CYLC1: variants seen among roughly 807,000 people sequenced by gnomAD.
The protein encoded by CYLC1 is cylicin 1.
CYLC1 carries 2 observed loss-of-function variants against 31.6 expected under a neutral mutation model. The observed-to-expected ratio is 0.06, with a 90% CI of 0.03 to 0.20. The LOEUF (loss-of-function observed/expected upper bound fraction) is 0.20, where lower values mean the gene tolerates loss of function less well. Ranked by LOEUF, CYLC1 falls within the 10% of genes least tolerant of loss-of-function variation. The pLI is 1.00. For missense variants in CYLC1, 595 were observed against 424.1 expected (o/e 1.40, Z -3.54); for synonymous variants, 185 against 153.0 (o/e 1.21, Z -1.54).
chrX:83,885,706 C>T (rs1276099531), intron 4 of CYLC1, among the ~76,000 whole-genome samples: 4 of 107,883 alleles, frequency 3.7e-5, no homozygotes, highest in Non-Finnish European at 7.7e-5. Flanking sequence ...ACTCAATAAT[C>T]CCACTGCTAT....
At chrX:83,864,665 A>T in intron 1 of CYLC1, 4 of 314,876 alleles carry the variant, frequency 1.3e-5, no homozygotes, top group Non-Finnish European at 2.4e-5. Flanking sequence ...TCCCAGACCC[A>T]TTACTGGAGA....
In CYLC1 at chrX:83,879,544, T is replaced by C. The variant is rs1467686519; in HGVS notation, c.1923+4913T>C. ...TTGTGAAAACACACACAGAATTTTG[T>C]GTCAATACCATACATTGTGATTTGT... On this transcript the variant is annotated intron_variant, in intron 4 of 4. Transcript: ENST00000329312. 2.7e-5 allele frequency among the ~76,000 whole-genome samples: 3 copies of C among 112,164 alleles called. No individual in the cohort carries two copies. In the East Asian group the frequency reaches 8.4e-4, roughly 31 times the overall value.
intron 4 of CYLC1, among the ~76,000 whole-genome samples, chrX:83,874,995 G>A (rs903425486): frequency 9.0e-6 from 1 of 111,036 alleles, no homozygotes; most frequent in African/African-American, 3.3e-5. Context: ...AGATTTAAGC[G>A]AGATATAAAG....
At position 83,873,641 on chromosome X, in the gene CYLC1, G is replaced by A; in HGVS notation, c.933G>A (p.Lys311=). 1 of 1,196,245 alleles carries A rather than the reference G, an allele frequency of 8.4e-7. No homozygotes were observed. The highest frequency in any genetic ancestry group is 1.1e-6 in the Non-Finnish European group (1 of 889,578). The change falls in exon 4 of 5, where the codon AAG becomes AAA. Residue 311 remains lysine (K), a synonymous_variant. Transcript: ENST00000329312. ...EDSKDAKKDS[K]KVKKNVKKDD... is the part of the protein sequence containing the mutation. ...CAAAGGATGCTAAGAAAGATTCAAA[G>A]AAAGTTAAGAAAAATGTCAAGAAAG...
chrX:83,862,779 C>T (rs2031534432), intron 1 of CYLC1, among the ~76,000 whole-genome samples: 3 of 111,599 alleles, frequency 2.7e-5, no homozygotes, highest in Non-Finnish European at 5.6e-5. Context: ...CCTCCTCTGA[C>T]TCCAATCTGA....
rs955131622 is a variant in CYLC1, at chrX:83,869,516, A to T, written c.18-349A>T. Among the ~76,000 whole-genome samples the T allele has an allele frequency of 2.7e-4, 29 of 109,347 alleles. No individual in the cohort carries two copies. In the Admixed American group the frequency reaches 2.8e-3, roughly 10 times the overall value. 95.0% of individuals were successfully genotyped at this position (109,347 alleles called of 115,157 possible). On this transcript the variant is annotated intron_variant, in intron 1 of 4. Coordinates refer to ENST00000329312, the MANE Select transcript of CYLC1 (RefSeq NM_021118.3). Reference sequence around the variant, plus strand: ...AGTATGCTGAGGATAATAGCTTCCAACTCCATCCATAGCCCTGCAAAGGAC... The same window carrying T: ...AGTATGCTGAGGATAATAGCTTCCATCTCCATCCATAGCCCTGCAAAGGAC...
chrX:83,863,193 C>T (rs1453069236), intron 1 of CYLC1, among the ~76,000 whole-genome samples: 1 of 111,784 alleles, frequency 8.9e-6, no homozygotes, highest in African/African-American at 3.3e-5. Flanking sequence ...ACTTTCTCTT[C>T]TCCAGTTATT....
intron 4 of CYLC1, 102 bp from the exon 5 acceptor site, chrX:83,886,450 C>T: frequency 1.3e-6 from 1 of 748,010 alleles, no homozygotes; most frequent in South Asian, 2.6e-5. Context: ...TCAACTATGA[C>T]AGTCTGTGCT....
intron 4 of CYLC1, among the ~76,000 whole-genome samples, chrX:83,878,912 C>G (rs1434219015): frequency 9.5e-6 from 1 of 105,269 alleles, no homozygotes; most frequent in East Asian, 3.0e-4. Flanking sequence ...TTCTCCTCCA[C>G]TGGAGTCCTA....
At chrX:83,870,414 G>T (rs978368367) in intron 2 of CYLC1, among the ~76,000 whole-genome samples, 6 of 111,408 alleles carry the variant, frequency 5.4e-5, no homozygotes, top group African/African-American at 1.6e-4. Flanking sequence ...GTGATTAAGA[G>T]CATGGGCTCT....
In CYLC1 at chrX:83,873,158, G is replaced by C. The variant is rs1243779109; in HGVS notation, c.450G>C (p.Glu150Asp). ...CAGAATCCAAGCAAATAGTAGAAGAGAAAACTAAAAGACAAAATGAGGCAG... is the reference window on the plus strand; with the variant it reads ...CAGAATCCAAGCAAATAGTAGAAGACAAAACTAAAAGACAAAATGAGGCAG... ...TNPESKQIVE[E>D]KTKRQNEADK... Residue 150 changes from glutamate (E) to aspartate (D), a missense_variant, in exon 4 of 5, where the codon GAG becomes GAC. Glu to Asp is a conservative substitution (Grantham distance 45). Transcript: ENST00000329312. The C allele has an allele frequency of 8.3e-7, 1 of 1,203,609 alleles. No homozygotes were observed. Among genetic ancestry groups the C allele is most frequent in the East Asian group, 3.0e-5 (1 of 33,685 alleles).
Position 83,861,174 on chromosome X carries a change from G to A in CYLC1, c.-9G>A. 8.3e-7 allele frequency: 1 copy of A among 1,200,726 alleles called. No homozygotes were observed. Among genetic ancestry groups the A allele is most frequent in the South Asian group, 1.8e-5 (1 of 55,206 alleles). ...ATGCTCAAGTCCAGGCAACGTACAG[G>A]CAGGGGAAATGTCTCTTCCAAGGTT... is the stretch of plus-strand genomic sequence containing the variant. On this transcript the variant is annotated 5_prime_UTR_variant, in exon 1 of 5. Coordinates refer to ENST00000329312, the MANE Select transcript of CYLC1 (RefSeq NM_021118.3).
intron 4 of CYLC1, among the ~76,000 whole-genome samples, chrX:83,875,779 T>A (rs964418023): frequency 9.0e-6 from 1 of 111,084 alleles, no homozygotes; most frequent in African/African-American, 3.3e-5. Flanking sequence ...TCTCTATGAT[T>A]TTTGGTTGGG....
chrX:83,878,571 G>T (rs940872018), intron 4 of CYLC1, among the ~76,000 whole-genome samples: 20 of 89,299 alleles, frequency 2.2e-4, no homozygotes, highest in African/African-American at 8.4e-4. Context: ...TATGTCCACA[G>T]ATTCAAAAAC....
At chrX:83,865,194 A>G (rs2031575587) in intron 1 of CYLC1, among the ~76,000 whole-genome samples, 1 of 111,216 alleles carries the variant, frequency 9.0e-6, no homozygotes, top group African/African-American at 3.3e-5. Flanking sequence ...CTGCTCATCC[A>G]TAAGTATTCT....
intron 1 of CYLC1, among the ~76,000 whole-genome samples, chrX:83,867,370 A>G (rs1432275136): frequency 9.0e-6 from 1 of 111,496 alleles, no homozygotes; most frequent in Non-Finnish European, 1.9e-5. Flanking sequence ...CCACTTCTAC[A>G]TCTTTAAATA....
At chrX:83,866,419 T>G (rs931817513) in intron 1 of CYLC1, among the ~76,000 whole-genome samples, 1 of 111,038 alleles carries the variant, frequency 9.0e-6, no homozygotes, top group Non-Finnish European at 1.9e-5. Context: ...ATCCTCAGAG[T>G]TAGCCATCAT....
intron 1 of CYLC1, among the ~76,000 whole-genome samples, chrX:83,866,372 C>A (rs1297918023): frequency 9.0e-6 from 1 of 111,448 alleles, no homozygotes; most frequent in Non-Finnish European, 1.9e-5. Flanking sequence ...GATTCCACTA[C>A]CTTGGCCCAT....
chrX:83,870,603 G>C (rs2031649932), intron 2 of CYLC1, among the ~76,000 whole-genome samples: 1 of 111,721 alleles, frequency 9.0e-6, no homozygotes, highest in Non-Finnish European at 1.9e-5. Flanking sequence ...GATTAAACAA[G>C]TTTACTAAAA....
Sources: allele counts gnomAD v4.1 joint callset (sites outside exome capture counted in the v4.1 genomes callset), GRCh38; gene constraint gnomAD v4.1.1; transcripts MANE v1.5; gene names NCBI Gene and HGNC (gene_info 2026-07-23, HGNC 2026-07-21).